Variants in PCF11 observed in about 807,000 individuals in gnomAD.
PCF11 encodes the protein pre-mRNA cleavage complex 2 protein Pcf11.
Under a neutral mutation model 166.1 loss-of-function variants are expected in PCF11, and 19 were observed. That is an observed-to-expected ratio of 0.11 (90% CI 0.08 to 0.17). The LOEUF (loss-of-function observed/expected upper bound fraction) is 0.17, where lower values mean the gene tolerates loss of function less well. Among genes scored for constraint, PCF11 ranks in the 10% least tolerant of loss-of-function variants. The pLI is 1.00. For missense variants in PCF11, 1,565 were observed against 1,855.5 expected (o/e 0.84, Z 2.88); for synonymous variants, 663 against 644.1 (o/e 1.03, Z -0.44).
At chr11:83,157,285 C>T (rs1860024489) in exon 1 of PCF11, 7 of 655,352 alleles carry the variant, frequency 1.1e-5, no homozygotes, top group Non-Finnish European at 1.8e-5. Flanking sequence ...GAGGTTCCCC[C>T]TGTGTCGTCC....
intron 11 of PCF11, 147 bp from the exon 12 acceptor site, chr11:83,180,861 T>G: frequency 2.0e-6 from 1 of 499,150 alleles, no homozygotes; most frequent in Non-Finnish European, 3.6e-6. Context: ...TGTTAGAGAA[T>G]AATACTGATC....
intron 9 of PCF11, among the ~76,000 whole-genome samples, chr11:83,173,771 C>G (rs535292623): frequency 7.4e-6 from 1 of 134,914 alleles, no homozygotes; most frequent in Non-Finnish European, 1.5e-5. Context: ...CTCTTGTCAC[C>G]CAGGCTGGAG....
intron 3 of PCF11, 46 bp from the exon 4 acceptor site, chr11:83,164,161 G>A (rs77145075): frequency 0.017 from 23,974 of 1,405,304 alleles, 268 homozygotes; most frequent in Non-Finnish European, 0.02. Context: ...CCTAGCTTCC[G>A]TTTTAGCTGA....
At chr11:83,169,548 C>T (rs749622476) in exon 8 of PCF11, 2 of 1,613,886 alleles carry the variant, frequency 1.2e-6, no homozygotes, top group South Asian at 2.2e-5. Context: ...GTCAGCCAGG[C>T]CCTCAGAGGT....
In PCF11 at chr11:83,170,227, A is replaced by C. The variant is rs549102062; in HGVS notation, c.3660+232A>C. ...AGGATCTAGGGAAATATCTCAATCAAACCCCCACCTCCAGCTCTGTTTTTT... is the reference window on the plus strand; with the variant it reads ...AGGATCTAGGGAAATATCTCAATCACACCCCCACCTCCAGCTCTGTTTTTT... On this transcript the variant is annotated intron_variant, in intron 8 of 15. Coordinates refer to ENST00000298281, the Ensembl canonical transcript of PCF11. 6.6e-4 allele frequency among the ~76,000 whole-genome samples: 100 copies of C among 152,292 alleles called. 2 individuals carry two copies. The South Asian group carries it at 0.021, about 31-fold the overall frequency.
intron 4 of PCF11, among the ~76,000 whole-genome samples, chr11:83,164,888 A>T (rs1350265370): frequency 6.6e-6 from 1 of 152,150 alleles, no homozygotes. Context: ...AAACTACAAA[A>T]CTACACTATT....
At chr11:83,172,419 T>C (rs1860719340) in intron 9 of PCF11, among the ~76,000 whole-genome samples, 1 of 152,032 alleles carries the variant, frequency 6.6e-6, no homozygotes, top group African/African-American at 2.4e-5. Context: ...TGGATTTTAG[T>C]TTTATTTATT....
chr11:83,161,568 C>T (rs1860255245), intron 2 of PCF11, 116 bp downstream of exon 2: 7 of 722,816 alleles, frequency 9.7e-6, no homozygotes, highest in Non-Finnish European at 6.4e-6. Flanking sequence ...TACTTTTGGA[C>T]ATTTATCGTT....
chr11:83,171,473 G>A (rs1394401873), intron 8 of PCF11, among the ~76,000 whole-genome samples: 1 of 152,148 alleles, frequency 6.6e-6, no homozygotes, highest in Non-Finnish European at 1.5e-5. Context: ...AAGGTAAAGT[G>A]ACTTGTGTAA....
intron 1 of PCF11, among the ~76,000 whole-genome samples, chr11:83,161,068 G>C (rs1156229359): frequency 6.6e-6 from 1 of 152,146 alleles, no homozygotes. Flanking sequence ...ACATGAACTT[G>C]AAATTTCATT....
chr11:83,164,708 C>T (rs1174304312), intron 4 of PCF11, among the ~76,000 whole-genome samples: 4 of 150,654 alleles, frequency 2.7e-5, no homozygotes, highest in African/African-American at 4.9e-5. Context: ...CATAGTGAGG[C>T]CCTACCAAAA....
exon 16 of PCF11, chr11:83,184,766 T>C: frequency 6.2e-7 from 1 of 1,612,454 alleles, no homozygotes; most frequent in Non-Finnish European, 8.5e-7. Context: ...CAAAAACGAA[T>C]TGCAGGAACC....
intron 11 of PCF11, among the ~76,000 whole-genome samples, chr11:83,178,033 G>A (rs1233912138): frequency 2.0e-5 from 3 of 150,116 alleles, no homozygotes; most frequent in Non-Finnish European, 4.4e-5. Flanking sequence ...TATGTCTGCT[G>A]TACAAGTACT....
exon 1 of PCF11, chr11:83,157,592 C>A (rs565622920): frequency 1.2e-6 from 2 of 1,614,030 alleles, no homozygotes; most frequent in African/African-American, 2.7e-5. Flanking sequence ...TGCCCTTCGC[C>A]AAGGAGATCG....
intron 1 of PCF11, among the ~76,000 whole-genome samples, chr11:83,160,376 C>A (rs1282912823): frequency 8.1e-6 from 1 of 123,518 alleles, no homozygotes. Flanking sequence ...CATGGGTGCT[C>A]CTTTGGAGTC....
chr11:83,157,537 G>C (rs2135410005), exon 1 of PCF11: 1 of 1,613,908 alleles, frequency 6.2e-7, no homozygotes, highest in Middle Eastern at 1.6e-4. Context: ...ACCTTCAATA[G>C]CAAGCCGCAC....
intron 9 of PCF11, among the ~76,000 whole-genome samples, chr11:83,176,305 A>G (rs1334856497): frequency 6.6e-6 from 1 of 152,184 alleles, no homozygotes; most frequent in Non-Finnish European, 1.5e-5. Context: ...AGAACTAGAA[A>G]TACTATTTGA....
At chr11:83,168,005 T>G in intron 7 of PCF11, 107 bp downstream of exon 7, 2 of 872,828 alleles carry the variant, frequency 2.3e-6, no homozygotes, top group South Asian at 1.7e-5. Context: ...ATTACCATTT[T>G]TTTTCCCATT....
At chr11:83,164,819 C>T (rs1860389228) in intron 4 of PCF11, among the ~76,000 whole-genome samples, 1 of 152,110 alleles carries the variant, frequency 6.6e-6, no homozygotes, top group South Asian at 2.1e-4. Flanking sequence ...GCTATGATTG[C>T]TTCACTGCAC....
Sources: gnomAD v4.1 joint callset for allele counts (sites outside exome capture counted in the v4.1 genomes callset) on GRCh38, gnomAD v4.1.1 for gene constraint, MANE v1.5 for transcripts, NCBI Gene and HGNC (gene_info 2026-07-23, HGNC 2026-07-21) for gene names.